The following MAGI1 variants were observed in gnomAD, a reference collection of about 807,000 sequenced individuals.
MAGI1 encodes the protein membrane-associated guanylate kinase, WW and PDZ domain-containing protein 1.
Under a neutral mutation model 139.9 loss-of-function variants are expected in MAGI1, and 58 were observed. The ratio of observed to expected loss-of-function variants is 0.41; its 90% CI spans 0.34 to 0.52. The LOEUF is 0.52. Ranked by LOEUF, MAGI1 falls within the 20% of genes least tolerant of loss-of-function variation. The pLI, the probability that MAGI1 is intolerant of heterozygous loss-of-function variation, is 0.12. For missense variants in MAGI1, 1,874 were observed against 1,901.6 expected (o/e 0.99, Z 0.27); for synonymous variants, 812 against 737.9 (o/e 1.10, Z -1.63).
At chr3:65,762,167 C>T (rs1207686634) in intron 1 of MAGI1, among the ~76,000 whole-genome samples, 2 of 152,130 alleles carry the variant, frequency 1.3e-5, no homozygotes, top group African/African-American at 4.8e-5. Context: ...CAGCGCCTGC[C>T]AGGAGGGCAG....
intron 1 of MAGI1, among the ~76,000 whole-genome samples, chr3:65,859,130 C>T (rs143238656): frequency 3.9e-5 from 6 of 152,038 alleles, no homozygotes; most frequent in African/African-American, 7.2e-5. Flanking sequence ...GTCAGGAGTT[C>T]GAGACCCGCT....
intron 12 of MAGI1, among the ~76,000 whole-genome samples, chr3:65,424,936 C>T (rs1482438682): frequency 6.6e-6 from 1 of 151,830 alleles, no homozygotes; most frequent in Non-Finnish European, 1.5e-5. Flanking sequence ...ATTAGCCTCA[C>T]AAGATGGCAC....
chr3:65,552,031 T>C (rs78660330), intron 2 of MAGI1, among the ~76,000 whole-genome samples: 1 of 152,302 alleles, frequency 6.6e-6, no homozygotes, highest in South Asian at 2.1e-4. Context: ...GATATTCCTG[T>C]CAGAGTGAAA....
At chr3:65,545,904 C>G (rs1487967573) in intron 2 of MAGI1, among the ~76,000 whole-genome samples, 1 of 151,722 alleles carries the variant, frequency 6.6e-6, no homozygotes, top group Non-Finnish European at 1.5e-5. Flanking sequence ...AAAATAAGAC[C>G]AAACTCAGGG....
intron 2 of MAGI1, among the ~76,000 whole-genome samples, chr3:65,562,744 T>C (rs2080419610): frequency 6.6e-6 from 1 of 152,216 alleles, no homozygotes; most frequent in African/African-American, 2.4e-5. Flanking sequence ...TCTCATAAAT[T>C]AAAAGCCCTT....
rs139480779 is a variant in MAGI1, at chr3:65,667,024, C to T, written c.314-44936G>A. 6.1e-3 allele frequency among the ~76,000 whole-genome samples: 929 copies of T among 152,316 alleles called. 8 individuals carry two copies. Among genetic ancestry groups the T allele is most frequent in the South Asian group, 0.041 (196 of 4,824 alleles). On this transcript the variant is annotated intron_variant, in intron 1 of 22. Coordinates refer to ENST00000402939, the MANE Select transcript of MAGI1 (RefSeq NM_001033057.2). ...TGAGCATGAGAAAAACAATGGTCTC[C>T]TGCAAGATAAACAGCAGTGTCCTAT...
At chr3:65,398,078 C>G (rs1944535351) in intron 13 of MAGI1, among the ~76,000 whole-genome samples, 1 of 151,858 alleles carries the variant, frequency 6.6e-6, no homozygotes, top group Non-Finnish European at 1.5e-5. Context: ...AAGAGAGGTG[C>G]CATGACCACC....
intron 1 of MAGI1, among the ~76,000 whole-genome samples, chr3:65,924,728 T>A (rs2062405539): frequency 6.6e-6 from 1 of 152,206 alleles, no homozygotes; most frequent in South Asian, 2.1e-4. Flanking sequence ...TGCCCCTCGC[T>A]GCTCCATGCT....
chr3:65,819,225 G>A (rs1252459612), intron 1 of MAGI1, among the ~76,000 whole-genome samples: 2 of 152,034 alleles, frequency 1.3e-5, no homozygotes, highest in East Asian at 1.9e-4. Context: ...CGGAGGTTGC[G>A]GTGAGCCAAG....
chr3:65,759,174 A>C (rs886613511), intron 1 of MAGI1, among the ~76,000 whole-genome samples: 2 of 151,490 alleles, frequency 1.3e-5, no homozygotes, highest in Admixed American at 6.6e-5. Context: ...AAGGAATCGG[A>C]TCAAGTCCCT....
At chr3:65,518,627 T>C (rs2078008169) in intron 2 of MAGI1, among the ~76,000 whole-genome samples, 2 of 152,214 alleles carry the variant, frequency 1.3e-5, no homozygotes, top group South Asian at 4.1e-4. Context: ...TATGAGACAT[T>C]GTTATAGTCA....
At chr3:65,883,395 GAATA>G (rs1232994530) in intron 1 of MAGI1, among the ~76,000 whole-genome samples, 3 of 152,044 alleles carry the variant, frequency 2.0e-5, no homozygotes, top group African/African-American at 7.2e-5. Flanking sequence ...CAACCCTCAA[GAATA>G]AACAAGAATA....
chr3:65,700,311 G>A (rs940745833), intron 1 of MAGI1, among the ~76,000 whole-genome samples: 1 of 152,038 alleles, frequency 6.6e-6, no homozygotes, highest in Non-Finnish European at 1.5e-5. Context: ...GCATGGTGGT[G>A]CATTCCTGTA....
chr3:65,974,489 T>C (rs1201047602), intron 1 of MAGI1, among the ~76,000 whole-genome samples: 1 of 152,118 alleles, frequency 6.6e-6, no homozygotes, highest in Non-Finnish European at 1.5e-5. Flanking sequence ...TTTATTGCTG[T>C]GTAACAAGTA....
intron 20 of MAGI1, 68 bp from the exon 21 acceptor site, chr3:65,363,676 C>T: frequency 7.0e-7 from 1 of 1,435,258 alleles, no homozygotes; most frequent in Non-Finnish European, 9.5e-7. Context: ...CCTAAACATT[C>T]TTGGCAAAAA....
intron 12 of MAGI1, among the ~76,000 whole-genome samples, chr3:65,406,192 G>C (rs1053975896): frequency 2.6e-5 from 4 of 152,010 alleles, no homozygotes; most frequent in Non-Finnish European, 4.4e-5. Flanking sequence ...ATTAGGACCT[G>C]TGCTTGTCCT....
At chr3:65,388,833 A>T (rs990542496) in intron 14 of MAGI1, among the ~76,000 whole-genome samples, 82 of 101,952 alleles carry the variant, frequency 8.0e-4, no homozygotes, top group African/African-American at 3.1e-3. Context: ...CACCATTCCG[A>T]ATTTTTTTTT....
intron 2 of MAGI1, among the ~76,000 whole-genome samples, chr3:65,565,440 C>T (rs1041575454): frequency 2.0e-5 from 3 of 152,072 alleles, no homozygotes; most frequent in African/African-American, 7.2e-5. Flanking sequence ...AAAAACAAAA[C>T]TCAGTGGTCA....
intron 2 of MAGI1, among the ~76,000 whole-genome samples, chr3:65,613,629 G>T (rs2083228128): frequency 6.6e-6 from 1 of 152,116 alleles, no homozygotes; most frequent in African/African-American, 2.4e-5. Flanking sequence ...GGCAATTAGG[G>T]TTAACAACGT....
Sources: allele counts gnomAD v4.1 joint callset (sites outside exome capture counted in the v4.1 genomes callset), GRCh38; gene constraint gnomAD v4.1.1; transcripts MANE v1.5; gene names NCBI Gene and HGNC (gene_info 2026-07-23, HGNC 2026-07-21).